Variants in PRDM16 observed in about 807,000 individuals in gnomAD.
PRDM16 encodes the protein histone-lysine N-methyltransferase PRDM16.
In PRDM16, 23 loss-of-function variants were observed where a neutral mutation model predicts 110.6. The ratio of observed to expected loss-of-function variants is 0.21; its 90% CI spans 0.15 to 0.29. PRDM16 has a LOEUF of 0.29. PRDM16 is among the 10% of genes least tolerant of loss of function. PRDM16 has a pLI of 1.00. For missense variants in PRDM16, 1,615 were observed against 1,794.3 expected (o/e 0.90, Z 1.81); for synonymous variants, 799 against 781.8 (o/e 1.02, Z -0.37).
At chr1:3,191,647 A>G (rs1278745680) in intron 2 of PRDM16, among the ~76,000 whole-genome samples, 1 of 152,200 alleles carries the variant, frequency 6.6e-6, no homozygotes, top group Non-Finnish European at 1.5e-5. Context: ...CTGTCCCCCT[A>G]CATGTGTTTG....
chr1:3,125,286 G>T (rs1260436241), intron 1 of PRDM16, among the ~76,000 whole-genome samples: 2 of 152,264 alleles, frequency 1.3e-5, no homozygotes, highest in Non-Finnish European at 2.9e-5. Flanking sequence ...TGGGCTCTGG[G>T]CTGGAGAGGC....
chr1:3,396,119 G>A (rs541204402), intron 4 of PRDM16, among the ~76,000 whole-genome samples: 3 of 152,150 alleles, frequency 2.0e-5, no homozygotes, highest in African/African-American at 7.2e-5. Flanking sequence ...TGGCAAAGCG[G>A]GTCTCACTTA....
intron 2 of PRDM16, among the ~76,000 whole-genome samples, chr1:3,220,229 C>T (rs527405802): frequency 1.3e-5 from 2 of 152,338 alleles, no homozygotes; most frequent in Admixed American, 6.5e-5. Context: ...TGTGGCCCCA[C>T]AGCACGCCCA....
chr1:3,256,140 A>G (rs1366758618), intron 3 of PRDM16, among the ~76,000 whole-genome samples: 1 of 152,200 alleles, frequency 6.6e-6, no homozygotes, highest in Non-Finnish European at 1.5e-5. Context: ...AGACATCCGG[A>G]TAAGAGAAGA....
chr1:3,227,700 C>T (rs898922942), intron 2 of PRDM16, among the ~76,000 whole-genome samples: 1 of 152,238 alleles, frequency 6.6e-6, no homozygotes, highest in African/African-American at 2.4e-5. Flanking sequence ...AGCTGGCTGC[C>T]CAGGCTGCCC....
rs1294198289 is a variant in PRDM16 at position 3,412,696 on chromosome 1, G to A, written c.2499G>A (p.Leu833=). The change falls in exon 9 of 17, where the codon CTG becomes CTA. Residue 833 remains leucine, a synonymous_variant. Transcript: ENST00000270722. The part of the protein sequence containing the change: ...RKNHVYGERK[L]GAGEGLPQVC... ...ACCACGTCTATGGGGAACGCAAGCT[G>A]GGCGCCGGCGAGGGGCTGCCCCAGG... 4 of 1,494,450 alleles carry A rather than the reference G, an allele frequency of 2.7e-6. No individual in the cohort carries two copies. Among genetic ancestry groups the A allele is most frequent in the Admixed American group, 2.4e-5 (1 of 42,176 alleles). The allele number at this position is 1,494,450 out of a possible 1,614,324, so 92.6% of individuals were successfully genotyped here.
intron 3 of PRDM16, among the ~76,000 whole-genome samples, chr1:3,304,567 C>T (rs936945745): frequency 1.4e-4 from 22 of 152,096 alleles, no homozygotes; most frequent in East Asian, 3.9e-4. Context: ...GTTGGTGTCA[C>T]GGAGCCACTG....
chr1:3,378,164 G>A (rs117761315), intron 3 of PRDM16, among the ~76,000 whole-genome samples: 21 of 152,326 alleles, frequency 1.4e-4, no homozygotes, highest in East Asian at 9.6e-4. Context: ...ACATGGCTGC[G>A]ACCTTGGACA....
intron 2 of PRDM16, among the ~76,000 whole-genome samples, chr1:3,227,878 TTC>T (rs1274260659): frequency 6.6e-6 from 1 of 152,216 alleles, no homozygotes; most frequent in Admixed American, 6.5e-5. Context: ...AGAGCCGGCG[TTC>T]TCTCTTTTTC....
intron 1 of PRDM16, among the ~76,000 whole-genome samples, chr1:3,145,227 C>T (rs778878856): frequency 3.2e-4 from 48 of 152,308 alleles, no homozygotes; most frequent in Non-Finnish European, 5.0e-4. Flanking sequence ...TATCTAGGAA[C>T]GTCCACGTGC....
intron 3 of PRDM16, among the ~76,000 whole-genome samples, chr1:3,355,044 GACAAA>G: frequency 6.6e-6 from 1 of 152,178 alleles, no homozygotes; most frequent in African/African-American, 2.4e-5. Context: ...AACCCACCGG[GACAAA>G]GCCAGGACTG....
rs564323475 is a variant in PRDM16, at chr1:3,324,215, A to G, written c.439-60937A>G. 5.3e-5 allele frequency among the ~76,000 whole-genome samples: 8 copies of G among 152,172 alleles called. No homozygotes were observed. The South Asian group carries it at 8.3e-4, about 16-fold the overall frequency. On this transcript the variant is annotated intron_variant, in intron 3 of 16. Transcript: ENST00000270722. Reference sequence around the variant, plus strand: ...CCACTCTACAAAGTGGGTGCGGAGCAGGACTCCCACAGTGGGGCCTGGGGC... The same window carrying G: ...CCACTCTACAAAGTGGGTGCGGAGCGGGACTCCCACAGTGGGGCCTGGGGC...
chr1:3,162,314 C>G (rs568297721), intron 1 of PRDM16, among the ~76,000 whole-genome samples: 3 of 152,144 alleles, frequency 2.0e-5, no homozygotes, highest in Non-Finnish European at 4.4e-5. Flanking sequence ...ACAGAAACTC[C>G]GTGCCCGGTA....
At chr1:3,114,570 A>C in intron 1 of PRDM16, among the ~76,000 whole-genome samples, 1 of 151,122 alleles carries the variant, frequency 6.6e-6, no homozygotes, top group African/African-American at 2.4e-5. Context: ...AAACAAGCAC[A>C]CACTTGCACA....
chr1:3,407,792 C>T (rs1481315623), intron 8 of PRDM16, among the ~76,000 whole-genome samples: 1 of 152,250 alleles, frequency 6.6e-6, no homozygotes. Context: ...CTCCCCATCC[C>T]TCGTGGATGG....
chr1:3,166,950 C>T (rs1228729277), intron 1 of PRDM16, among the ~76,000 whole-genome samples: 1 of 152,204 alleles, frequency 6.6e-6, no homozygotes, highest in Non-Finnish European at 1.5e-5. Flanking sequence ...GCCCAGAGAC[C>T]TCAAGGCACT....
At chr1:3,269,448 T>G (rs1292391100) in intron 3 of PRDM16, among the ~76,000 whole-genome samples, 22 of 89,058 alleles carry the variant, frequency 2.5e-4, no homozygotes, top group East Asian at 6.5e-4. Flanking sequence ...TCCCAGAGAA[T>G]GACAGGGAGG....
At chr1:3,356,791 G>A (rs144830232) in intron 3 of PRDM16, among the ~76,000 whole-genome samples, 14 of 152,348 alleles carry the variant, frequency 9.2e-5, no homozygotes, top group Non-Finnish European at 1.8e-4. Context: ...TCAGAGGTGA[G>A]AGTCCTGGAG....
At chr1:3,164,891 G>A (rs188313191) in intron 1 of PRDM16, among the ~76,000 whole-genome samples, 8 of 152,262 alleles carry the variant, frequency 5.3e-5, no homozygotes, top group Non-Finnish European at 5.9e-5. Flanking sequence ...GAAGGCCGTC[G>A]CCACCGTGGG....
Sources: gnomAD v4.1 joint callset for allele counts (sites outside exome capture counted in the v4.1 genomes callset) on GRCh38, gnomAD v4.1.1 for gene constraint, MANE v1.5 for transcripts, NCBI Gene and HGNC (gene_info 2026-07-23, HGNC 2026-07-21) for gene names.